Variants in NUP50 observed in about 807,000 individuals in gnomAD.
The protein encoded by NUP50 is nucleoporin 50, also known as nuclear pore complex protein Nup50.
Under a neutral mutation model 36.8 loss-of-function variants are expected in NUP50, and 14 were observed. The observed-to-expected ratio is 0.38, with a 90% CI of 0.25 to 0.59. The LOEUF is 0.59. Among genes scored for constraint, NUP50 ranks in the 20% least tolerant of loss-of-function variants. NUP50 has a pLI of 0.63. For synonymous variants in NUP50, 195 were observed against 210.8 expected, an observed-to-expected ratio of 0.93 and a Z score of 0.65; for missense variants, 455 against 564.6, an observed-to-expected ratio of 0.81 and a Z score of 1.97.
At chr22:45,183,079 T>C (rs1192663010) in intron 6 of NUP50, among the ~76,000 whole-genome samples, 1 of 7,936 alleles carries the variant, frequency 1.3e-4, no homozygotes, top group Non-Finnish European at 2.6e-4. Flanking sequence ...TGGCAGGGGT[T>C]GGGGGCGGGG....
At chr22:45,181,265 T>C (rs762169536) in intron 5 of NUP50, 21 bp from the exon 6 acceptor site, 50 of 1,552,672 alleles carry the variant, frequency 3.2e-5, no homozygotes, top group Admixed American at 7.7e-5. Flanking sequence ...TCTTACTGAA[T>C]TATTGTCATT....
chr22:45,181,326 A>G lies in NUP50; in HGVS notation c.1044A>G (p.Val348=). 2 of 1,593,142 alleles carry G rather than the reference A, an allele frequency of 1.3e-6. No homozygotes were observed. Among genetic ancestry groups the G allele is most frequent in the Non-Finnish European group, 1.7e-6 (2 of 1,174,916 alleles). Residue 348 remains valine, a synonymous_variant, in exon 6 of 8, where the codon GTA becomes GTG. Transcript: ENST00000347635. ...AGAATGATGAGCCACCCAAAGTAGT[A>G]GTTACCGAAGTAAAAGAAGAAGATG... is the stretch of plus-strand genomic sequence containing the variant. ...EEENDEPPKV[V]VTEVKEEDAF...
chr22:45,174,891 T>C (rs1010371819), intron 3 of NUP50, among the ~76,000 whole-genome samples: 5 of 152,232 alleles, frequency 3.3e-5, no homozygotes, highest in African/African-American at 1.2e-4. Context: ...GATTGAAACT[T>C]TGGTTTTGGA....
intron 2 of NUP50, 130 bp downstream of exon 2, chr22:45,168,376 A>G: frequency 1.5e-6 from 1 of 650,380 alleles, no homozygotes; most frequent in East Asian, 2.8e-5. Flanking sequence ...GGAGATGACA[A>G]GAAATTATAT....
At chr22:45,180,770 G>A (rs936578722) in intron 5 of NUP50, among the ~76,000 whole-genome samples, 10 of 151,986 alleles carry the variant, frequency 6.6e-5, no homozygotes, top group African/African-American at 2.4e-4. Flanking sequence ...TGACCCATGT[G>A]GCAATTCAGA....
chr22:45,174,173 G>A (rs2074240423), intron 3 of NUP50, among the ~76,000 whole-genome samples: 2 of 133,408 alleles, frequency 1.5e-5, no homozygotes, highest in East Asian at 5.2e-4. Flanking sequence ...AGCCCACATG[G>A]GTATTTTCCC....
Position 45,185,927 on chromosome 22 carries a change from T to C in NUP50, c.*1272T>C, listed in dbSNP as rs1306723181. On this transcript the variant is annotated 3_prime_UTR_variant, in exon 8 of 8. Coordinates refer to ENST00000347635, the MANE Select transcript of NUP50 (RefSeq NM_007172.4). ...ATCTTGTGTACAGGCTCAGGGTCAG[T>C]GCCCAAGGGCTCCCGCGTGTGTGTT... The C allele has an allele frequency of 6.6e-6, 1 of 152,296 alleles. No homozygotes were observed. Among genetic ancestry groups the C allele is most frequent in the Non-Finnish European group, 1.5e-5 (1 of 68,070 alleles). 9.4% of individuals were successfully genotyped at this position (152,296 alleles called of 1,614,324 possible).
intron 7 of NUP50, chr22:45,183,792 C>A: frequency 2.9e-6 from 1 of 349,534 alleles, no homozygotes; most frequent in Non-Finnish European, 5.3e-6. Flanking sequence ...TAATGAACAC[C>A]CAAGGGAAAT....
At position 45,178,435 on chromosome 22, in the gene NUP50, C is replaced by T. The variant is rs756910864; in HGVS notation, c.538C>T (p.Leu180Phe). ...AGTGAAGCACGTGAATACAAACCCCCTCTGTGATCTGACACCTATCTTTAA... is the reference window on the plus strand; with the variant it reads ...AGTGAAGCACGTGAATACAAACCCCTTCTGTGATCTGACACCTATCTTTAA... Reference protein sequence around the residue: ...WIVKHVNTNPLCDLTPIFKDY... With the variant: ...WIVKHVNTNPFCDLTPIFKDY... The change falls in exon 5 of 8, where the codon CTC becomes TTC. Residue 180 changes from leucine (L) to phenylalanine (F), a missense_variant. Coordinates refer to ENST00000347635, the MANE Select transcript of NUP50 (RefSeq NM_007172.4). The T allele has an allele frequency of 2.5e-6, 4 of 1,613,644 alleles. No individual in the cohort carries two copies. The highest frequency in any genetic ancestry group is 4.5e-5 in the East Asian group (2 of 44,886).
rs201694751 is a variant in NUP50, at chr22:45,165,310, T to G, written c.-11+1014T>G. On this transcript the variant is annotated intron_variant, in intron 1 of 7. Coordinates refer to ENST00000347635, the MANE Select transcript of NUP50 (RefSeq NM_007172.4). ...AGGCCTCAGTGTAGTGGTAGCTCAC[T>G]GTGTAGCCTGAAGCTCCTGGGCTCA... 3.3e-5 allele frequency among the ~76,000 whole-genome samples: 5 copies of G among 152,338 alleles called. No homozygotes were observed. In the East Asian group the frequency reaches 9.6e-4, roughly 29 times the overall value.
rs574723267 is a variant in NUP50, at chr22:45,181,402, T to C, written c.1085+35T>C. The C allele has an allele frequency of 1.3e-5, 18 of 1,405,462 alleles. No homozygotes were observed. The South Asian group carries it at 1.8e-4, about 14-fold the overall frequency. The allele number at this position is 1,405,462 out of a possible 1,614,324, so 87.1% of individuals were successfully genotyped here. On this transcript the variant is annotated intron_variant, in intron 6 of 7. Coordinates refer to ENST00000347635, the MANE Select transcript of NUP50 (RefSeq NM_007172.4). ...CCCACAACCTGCTGGCGCATGTGTT[T>C]TGCAGGCATGGTGGCATGCTTCAGG...
At chr22:45,167,795 A>G (rs1290446889) in intron 1 of NUP50, among the ~76,000 whole-genome samples, 2 of 152,246 alleles carry the variant, frequency 1.3e-5, no homozygotes, top group African/African-American at 4.8e-5. Context: ...GACTTTCAGT[A>G]TGTATATGCG....
intron 4 of NUP50, 103 bp from the exon 5 acceptor site, chr22:45,178,132 GGGA>G: frequency 1.0e-6 from 1 of 993,504 alleles, no homozygotes; most frequent in Non-Finnish European, 1.5e-6. Flanking sequence ...TTGGTGTGGG[GGGA>G]GATACAGTAA....
chr22:45,170,755 C>T (rs1429414588), intron 2 of NUP50, among the ~76,000 whole-genome samples: 1 of 152,114 alleles, frequency 6.6e-6, no homozygotes, highest in Non-Finnish European at 1.5e-5. Flanking sequence ...ATCTAGATTA[C>T]CATGTAACTA....
chr22:45,185,589 A>G lies in NUP50; in HGVS notation c.*934A>G, dbSNP rs2074456947. 1 of 152,244 alleles carries G rather than the reference A, an allele frequency of 6.6e-6. No homozygotes were observed. 9.4% of individuals were successfully genotyped at this position (152,244 alleles called of 1,614,324 possible). On this transcript the variant is annotated 3_prime_UTR_variant, in exon 8 of 8. Transcript: ENST00000347635. ...GAGCTTTGACACACGAGCCGTGTGA[A>G]TTCACTAGGAAACATGTAATAAAGT...
In NUP50 at chr22:45,178,144, A is replaced by G. The variant is rs991666181; in HGVS notation, c.341-94A>G. The G allele has an allele frequency of 2.6e-6, 3 of 1,145,454 alleles. No individual in the cohort carries two copies. In the African/African-American group the frequency reaches 4.7e-5, roughly 18 times the overall value. The allele number at this position is 1,145,454 out of a possible 1,614,324, so 71.0% of individuals were successfully genotyped here. The stretch of plus-strand genomic sequence containing the variant: ...GTCTTGGTGTGGGGGGAGATACAGT[A>G]AAAGCAGAAAGTATGAAGGCAGAGT... On this transcript the variant is annotated intron_variant, in intron 4 of 7. Coordinates refer to ENST00000347635, the MANE Select transcript of NUP50 (RefSeq NM_007172.4).
chr22:45,183,631 C>T, intron 7 of NUP50, 111 bp downstream of exon 7: 1 of 729,252 alleles, frequency 1.4e-6, no homozygotes, highest in Non-Finnish European at 2.5e-6. Context: ...GCATTCAGGC[C>T]AAATTCATCC....
chr22:45,184,660 G>T lies in NUP50; in HGVS notation c.*5G>T, dbSNP rs376546951. On this transcript the variant is annotated 3_prime_UTR_variant, in exon 8 of 8. Coordinates refer to ENST00000347635, the MANE Select transcript of NUP50 (RefSeq NM_007172.4). ...CTGGAGAAAAAGGATGCCTGAACAC[G>T]CAAAGTCGGCTGCAGAATTATTGCC... 1.2e-5 allele frequency: 19 copies of T among 1,608,434 alleles called. No homozygotes were observed. In the Admixed American group the frequency reaches 2.7e-4, roughly 23 times the overall value.
chr22:45,181,813 A>G (rs2074378090), intron 6 of NUP50, among the ~76,000 whole-genome samples: 1 of 152,192 alleles, frequency 6.6e-6, no homozygotes, highest in South Asian at 2.1e-4. Context: ...CTCATAGTCA[A>G]AAAGTTAAGC....
Sources: gnomAD v4.1 joint callset for allele counts (sites outside exome capture counted in the v4.1 genomes callset) on GRCh38, gnomAD v4.1.1 for gene constraint, MANE v1.5 for transcripts, NCBI Gene and HGNC (gene_info 2026-07-23, HGNC 2026-07-21) for gene names.